The following SND1 variants were observed in gnomAD, a reference collection of about 807,000 sequenced individuals.
The protein encoded by SND1 is staphylococcal nuclease domain-containing protein 1.
Under a neutral mutation model 121.7 loss-of-function variants are expected in SND1, and 38 were observed. The ratio of observed to expected loss-of-function variants is 0.31; its 90% confidence interval spans 0.24 to 0.41. The LOEUF (loss-of-function observed/expected upper bound fraction) is 0.41. Among genes scored for constraint, SND1 ranks in the 10% least tolerant of loss-of-function variants. The pLI, the probability that SND1 is intolerant of heterozygous loss-of-function variation, is 1.00. For synonymous variants in SND1, 401 were observed against 447.4 expected (o/e 0.90, Z 1.31); for missense variants, 868 against 1,184.6 (o/e 0.73, Z 3.92).
chr7:127,754,957 T>C (rs1040157908), intron 10 of SND1, among the ~76,000 whole-genome samples: 6 of 152,224 alleles, frequency 3.9e-5, no homozygotes, highest in Admixed American at 3.9e-4. Context: ...AAAAGCCTTA[T>C]TTCTTTTAGA....
At chr7:127,722,454 G>A (rs1796513275) in intron 10 of SND1, among the ~76,000 whole-genome samples, 1 of 151,888 alleles carries the variant, frequency 6.6e-6, no homozygotes, top group Admixed American at 6.6e-5. Flanking sequence ...GAGTAGCTAG[G>A]ACTATAGGTG....
chr7:127,926,346 A>G (rs1294103236), intron 14 of SND1, among the ~76,000 whole-genome samples: 1 of 152,066 alleles, frequency 6.6e-6, no homozygotes, highest in African/African-American at 2.4e-5. Flanking sequence ...TAAGAACTTA[A>G]TATTCTGTCA....
chr7:127,683,369 C>A (rs904646024), intron 1 of SND1, among the ~76,000 whole-genome samples: 4 of 152,128 alleles, frequency 2.6e-5, no homozygotes, highest in African/African-American at 9.7e-5. Flanking sequence ...ATGTGCACCA[C>A]CACACCCAGC....
chr7:127,702,583 G>A, intron 6 of SND1, 57 bp downstream of exon 6: 2 of 1,376,972 alleles, frequency 1.5e-6, no homozygotes, highest in Non-Finnish European at 2.1e-6. Context: ...GTTCAGTGAT[G>A]GATTCTTCTA....
intron 15 of SND1, among the ~76,000 whole-genome samples, chr7:127,942,058 G>A (rs138739322): frequency 1.4e-4 from 21 of 152,132 alleles, no homozygotes; most frequent in Non-Finnish European, 3.1e-4. Context: ...AGCCTGCCTT[G>A]ATTTGAGAGG....
intron 17 of SND1, among the ~76,000 whole-genome samples, chr7:128,080,414 C>T (rs966633254): frequency 6.6e-6 from 1 of 152,236 alleles, no homozygotes; most frequent in African/African-American, 2.4e-5. Flanking sequence ...GAGCGCATGG[C>T]CCAGCTTCTG....
At chr7:128,025,594 A>G (rs1372916418) in intron 16 of SND1, among the ~76,000 whole-genome samples, 3 of 152,222 alleles carry the variant, frequency 2.0e-5, no homozygotes, top group Non-Finnish European at 4.4e-5. Flanking sequence ...GATGAGTCAC[A>G]GCATTCACGG....
chr7:127,770,046 C>T (rs945509344), intron 10 of SND1, among the ~76,000 whole-genome samples: 1 of 152,218 alleles, frequency 6.6e-6, no homozygotes, highest in Admixed American at 6.5e-5. Flanking sequence ...GACCTTGCTG[C>T]TGCCTAACCT....
At chr7:127,886,849 CAAAAAAA>C (rs11413396) in intron 12 of SND1, among the ~76,000 whole-genome samples, 1 of 118,424 alleles carries the variant, frequency 8.4e-6, no homozygotes. Flanking sequence ...CTTATTCTGG[CAAAAAAA>C]AAAAAAAAAA....
At chr7:127,826,367 T>A (rs1467594283) in intron 11 of SND1, among the ~76,000 whole-genome samples, 1 of 152,176 alleles carries the variant, frequency 6.6e-6, no homozygotes, top group African/African-American at 2.4e-5. Flanking sequence ...TTTTATTTTG[T>A]TTTAATAAAC....
chr7:127,878,909 G>A (rs888372144), intron 12 of SND1, among the ~76,000 whole-genome samples: 1 of 152,008 alleles, frequency 6.6e-6, no homozygotes, highest in Non-Finnish European at 1.5e-5. Context: ...ATGCAGCTTG[G>A]TTATGTGAGA....
At chr7:127,854,718 C>T (rs1018062961) in intron 12 of SND1, among the ~76,000 whole-genome samples, 3 of 151,856 alleles carry the variant, frequency 2.0e-5, no homozygotes, top group East Asian at 1.9e-4. Context: ...TACCAATAAG[C>T]AAAACTTATG....
intron 16 of SND1, among the ~76,000 whole-genome samples, chr7:128,054,076 A>G (rs1346245894): frequency 6.6e-6 from 1 of 152,230 alleles, no homozygotes; most frequent in Non-Finnish European, 1.5e-5. Flanking sequence ...TCAGTAAGTC[A>G]TCGGCAGTAC....
intron 15 of SND1, among the ~76,000 whole-genome samples, chr7:127,945,215 G>A (rs1801301489): frequency 6.6e-6 from 1 of 152,242 alleles, no homozygotes; most frequent in African/African-American, 2.4e-5. Flanking sequence ...TAGAAAGGCT[G>A]TGCGTGGTGG....
chr7:127,794,097 A>G (rs533763849), intron 10 of SND1, among the ~76,000 whole-genome samples: 1 of 152,318 alleles, frequency 6.6e-6, no homozygotes, highest in South Asian at 2.1e-4. Flanking sequence ...GATGTCAAGT[A>G]GACTGTAAAG....
chr7:127,719,612 G>T (rs1796452451), intron 9 of SND1, among the ~76,000 whole-genome samples: 1 of 152,174 alleles, frequency 6.6e-6, no homozygotes, highest in African/African-American at 2.4e-5. Flanking sequence ...TAGGAGAATG[G>T]TTATGGTTAT....
chr7:127,852,099 G>T (rs781578187), intron 12 of SND1, among the ~76,000 whole-genome samples: 3 of 152,106 alleles, frequency 2.0e-5, no homozygotes, highest in Non-Finnish European at 4.4e-5. Flanking sequence ...GATGGAGGTT[G>T]CAGTGAGCTG....
chr7:128,089,589 T>C lies in SND1; in HGVS notation c.2519T>C (p.Val840Ala), dbSNP rs1256206040. ...VEHLSAGCPH[V>A]TLQFADSKGD... ...CACCTGAGTGCCGGCTGCCCCCATG[T>C]CACCCTGCAGTTTGCAGATTCCAAG... The change falls in exon 22 of 24, where the codon GTC becomes GCC. Residue 840 changes from valine to alanine, a missense_variant. Physicochemically the swap from Val to Ala is moderately conservative, Grantham distance 64. Around this residue, in one of 2 missense-constraint regions of SND1, gnomAD observed 743 missense variants for 1,071.3 expected, o/e 0.69. Transcript: ENST00000354725. 1.2e-6 allele frequency: 2 copies of C among 1,614,058 alleles called. No individual in the cohort carries two copies. Among genetic ancestry groups the C allele is most frequent in the Non-Finnish European group, 1.7e-6 (2 of 1,180,012 alleles).
chr7:127,903,693 G>C (rs1800278777), intron 13 of SND1, among the ~76,000 whole-genome samples: 1 of 152,138 alleles, frequency 6.6e-6, no homozygotes, highest in Non-Finnish European at 1.5e-5. Context: ...TTTAGAAAGT[G>C]ATGACCCTGA....
Sources: allele counts gnomAD v4.1 joint callset (sites outside exome capture counted in the v4.1 genomes callset), GRCh38; gene constraint gnomAD v4.1.1; regional missense constraint gnomAD v4.1.1; transcripts MANE v1.5; gene names NCBI Gene and HGNC (gene_info 2026-07-23, HGNC 2026-07-21).